Variants in FANK1 observed in about 807,000 individuals in gnomAD.
FANK1 encodes the protein fibronectin type 3 and ankyrin repeat domains protein 1.
FANK1 carries 44 observed loss-of-function variants against 45.3 expected under a neutral mutation model. The ratio of observed to expected loss-of-function variants is 0.97; its 90% confidence interval spans 0.76 to 1.25. FANK1 has a LOEUF of 1.25. FANK1 is among the 50% of genes most tolerant of loss of function. The pLI, the probability that FANK1 is intolerant of heterozygous loss-of-function variation, is 0.00. For missense variants in FANK1, 391 were observed against 424.4 expected (o/e 0.92, Z 0.69); for synonymous variants, 149 against 152.5 (o/e 0.98, Z 0.17).
At chr10:125,989,993 A>G (rs1329961902) in intron 3 of FANK1, among the ~76,000 whole-genome samples, 3 of 151,922 alleles carry the variant, frequency 2.0e-5, no homozygotes, top group African/African-American at 7.3e-5. Context: ...ACACTCCCCT[A>G]CCTCTGCCCT....
At chr10:125,907,522 T>C in intron 1 of FANK1, 1 of 985,264 alleles carries the variant, frequency 1.0e-6, no homozygotes, top group South Asian at 4.7e-5. Context: ...ATCTGTGACT[T>C]GTTTCTAACT....
At chr10:125,964,554 C>T (rs1242801705) in intron 1 of FANK1, among the ~76,000 whole-genome samples, 3 of 152,112 alleles carry the variant, frequency 2.0e-5, no homozygotes, top group East Asian at 1.9e-4. Context: ...ACCTTACCCT[C>T]GATTTATTCA....
At chr10:125,956,039 C>T (rs1305068933) in intron 1 of FANK1, among the ~76,000 whole-genome samples, 1 of 152,118 alleles carries the variant, frequency 6.6e-6, no homozygotes, top group Non-Finnish European at 1.5e-5. Flanking sequence ...CCCACATTCC[C>T]ACTTCCATTT....
chr10:125,919,999 TATTA>T (rs542058526), intron 1 of FANK1, among the ~76,000 whole-genome samples: 103 of 152,320 alleles, frequency 6.8e-4, no homozygotes, highest in African/African-American at 2.5e-3. Context: ...CTACAATCAA[TATTA>T]ATTCCTTGCA....
intron 2 of FANK1, among the ~76,000 whole-genome samples, chr10:125,985,128 A>G (rs547098597): frequency 6.6e-6 from 1 of 152,344 alleles, no homozygotes; most frequent in Non-Finnish European, 1.5e-5. Context: ...GGGGTTATGG[A>G]GGTGCTGTTT....
chr10:125,900,554 C>T (rs1359076957), intron 1 of FANK1, among the ~76,000 whole-genome samples: 1 of 152,162 alleles, frequency 6.6e-6, no homozygotes, highest in Non-Finnish European at 1.5e-5. Context: ...GCTACCTGTT[C>T]TGTAAGCTCT....
At chr10:125,902,581 A>G (rs1377004242) in intron 1 of FANK1, among the ~76,000 whole-genome samples, 2 of 152,264 alleles carry the variant, frequency 1.3e-5, no homozygotes, top group African/African-American at 4.8e-5. Context: ...TAAATCAGGT[A>G]CTTATAAATG....
intron 1 of FANK1, chr10:125,973,577 C>T (rs1456797204): frequency 2.3e-6 from 1 of 434,930 alleles, no homozygotes. Context: ...TCTAAGAAAA[C>T]CAAGAGGCCC....
intron 1 of FANK1, among the ~76,000 whole-genome samples, chr10:125,951,603 G>C (rs1949238530): frequency 6.6e-6 from 1 of 152,146 alleles, no homozygotes; most frequent in Admixed American, 6.5e-5. Context: ...CTTCTCTTCT[G>C]TTATTACCAA....
chr10:125,936,416 G>T (rs1421664614), intron 1 of FANK1, among the ~76,000 whole-genome samples: 1 of 142,290 alleles, frequency 7.0e-6, no homozygotes, highest in East Asian at 2.1e-4. Context: ...GAACCCACTG[G>T]AGCGAGATGC....
At position 126,008,207 on chromosome 10, in the gene FANK1, A is replaced by T. The variant is rs1032024350; in HGVS notation, c.706-200A>T. The stretch of plus-strand genomic sequence containing the variant: ...ATCTTTTTTCCACTTTAAAGGATGT[A>T]GATGAAGAAGCCGGTGGGGAGACCC... On this transcript the variant is annotated intron_variant, in intron 7 of 10. Transcript: ENST00000368693. Among the ~76,000 whole-genome samples, 5 of 152,200 alleles carry T rather than the reference A, an allele frequency of 3.3e-5. No homozygotes were observed. In the East Asian group the frequency reaches 7.7e-4, roughly 23 times the overall value.
chr10:125,996,693 C>T (rs1045108444), intron 5 of FANK1, 69 bp downstream of exon 5: 1 of 1,514,560 alleles, frequency 6.6e-7, no homozygotes, highest in South Asian at 1.2e-5. Context: ...AGGCTCTGGT[C>T]AGGATAAGGA....
chr10:125,970,520 G>C (rs1278377380), intron 1 of FANK1, among the ~76,000 whole-genome samples: 2 of 152,238 alleles, frequency 1.3e-5, no homozygotes, highest in Non-Finnish European at 2.9e-5. Context: ...TCCAGCCTGG[G>C]CAGCATTGAG....
chr10:125,922,587 G>T (rs1035922492), intron 1 of FANK1, among the ~76,000 whole-genome samples: 1 of 152,198 alleles, frequency 6.6e-6, no homozygotes, highest in Non-Finnish European at 1.5e-5. Context: ...CATGATCAGG[G>T]ATCACTGCAT....
At chr10:125,934,639 A>G (rs939172265) in intron 1 of FANK1, among the ~76,000 whole-genome samples, 13 of 136,730 alleles carry the variant, frequency 9.5e-5, no homozygotes, top group Admixed American at 4.0e-4. Context: ...GCTGCCATTT[A>G]TTTAGCATTG....
At chr10:125,927,957 T>TA (rs1304129916) in intron 1 of FANK1, among the ~76,000 whole-genome samples, 1 of 152,176 alleles carries the variant, frequency 6.6e-6, no homozygotes, top group Non-Finnish European at 1.5e-5. Context: ...GAGATACTGC[T>TA]AAAAATTTTG....
In FANK1 at chr10:125,983,927, C is replaced by CTGA. The variant is rs1951384480; in HGVS notation, c.191+3593_191+3595dup. Among the ~76,000 whole-genome samples, 1 of 152,096 alleles carries CTGA rather than the reference C, an allele frequency of 6.6e-6. No individual in the cohort carries two copies. The highest frequency in any genetic ancestry group is 1.5e-5 in the Non-Finnish European group (1 of 68,028). ...GCCAGGCAGCAAGCAGCAGGGAGGACTGATGAAGAAGCTTTTGAAACAGTT... is the reference window on the plus strand; with the variant it reads ...GCCAGGCAGCAAGCAGCAGGGAGGACTGATGATGAAGAAGCTTTTGAAACAGTT... On this transcript the variant is annotated intron_variant, in intron 2 of 10. Transcript: ENST00000368693. The surrounding 1 kb of genome is among the most constrained non-coding windows in gnomAD (Gnocchi z 4.3).
At chr10:125,947,721 C>A (rs903626657) in intron 1 of FANK1, among the ~76,000 whole-genome samples, 1 of 144,896 alleles carries the variant, frequency 6.9e-6, no homozygotes, top group Non-Finnish European at 1.5e-5. Flanking sequence ...AGAAAGTCAA[C>A]AAGGATACCC....
intron 1 of FANK1, among the ~76,000 whole-genome samples, chr10:125,966,305 C>T (rs1950198580): frequency 6.6e-6 from 1 of 152,164 alleles, no homozygotes; most frequent in African/African-American, 2.4e-5. Context: ...ATGATGTATT[C>T]TTTGCCTGCA....
Sources: gnomAD v4.1 joint callset for allele counts (sites outside exome capture counted in the v4.1 genomes callset) on GRCh38, gnomAD v4.1.1 for gene constraint, Gnocchi (gnomAD v3.1) non-coding constraint, MANE v1.5 for transcripts, NCBI Gene and HGNC (gene_info 2026-07-23, HGNC 2026-07-21) for gene names.